The following RIMS2 variants were observed in gnomAD, a reference collection of about 807,000 sequenced individuals.
RIMS2 encodes regulating synaptic membrane exocytosis 2, also known as regulating synaptic membrane exocytosis protein 2.
Under a neutral mutation model 174.4 loss-of-function variants are expected in RIMS2, and 59 were observed. The observed-to-expected ratio is 0.34, with a 90% CI of 0.27 to 0.42. The LOEUF is 0.42. RIMS2 is among the 10% of genes least tolerant of loss of function. The pLI is 1.00. For synonymous variants in RIMS2, 606 were observed against 572.5 expected (o/e 1.06, Z -0.84); for missense variants, 1,620 against 1,666.3 (o/e 0.97, Z 0.48).
At chr8:103,996,920 A>G (rs567220850) in intron 17 of RIMS2, among the ~76,000 whole-genome samples, 10 of 152,036 alleles carry the variant, frequency 6.6e-5, no homozygotes, top group South Asian at 6.2e-4. Flanking sequence ...TTTAATAGCT[A>G]GAGAGGTTTC....
chr8:103,892,636 G>C (rs1176853578), intron 4 of RIMS2, among the ~76,000 whole-genome samples: 1 of 152,046 alleles, frequency 6.6e-6, no homozygotes, highest in East Asian at 1.9e-4. Context: ...TTTAATGTGA[G>C]TCTTAGGACT....
At chr8:103,565,780 T>C (rs2092278973) in intron 1 of RIMS2, among the ~76,000 whole-genome samples, 1 of 152,184 alleles carries the variant, frequency 6.6e-6, no homozygotes, top group East Asian at 1.9e-4. Flanking sequence ...CTCTGAACAC[T>C]GGTGAGACCT....
intron 3 of RIMS2, among the ~76,000 whole-genome samples, chr8:103,786,840 T>C (rs899565370): frequency 1.3e-5 from 2 of 152,100 alleles, no homozygotes; most frequent in African/African-American, 4.8e-5. Context: ...GACTTTCTGT[T>C]TCGTTGATCT....
Position 103,958,319 on chromosome 8 carries a change from CA to C in RIMS2, c.2702-2745del, listed in dbSNP as rs577549635. Reference sequence around the variant, plus strand: ...AATGCAGGAACAGAAGACCAAATACCACATGTTCTCACTTGAAAGTGGGAGC... The same window carrying C: ...AATGCAGGAACAGAAGACCAAATACCCATGTTCTCACTTGAAAGTGGGAGC... On this transcript the variant is annotated intron_variant, in intron 14 of 23. Coordinates refer to ENST00000504942, the Ensembl canonical transcript of RIMS2. 1.2e-3 allele frequency among the ~76,000 whole-genome samples: 189 copies of C among 152,162 alleles called. 7 individuals are homozygous for C. In the South Asian group the frequency reaches 0.038, roughly 31 times the overall value.
At chr8:104,046,466 A>G (rs775316603) in intron 19 of RIMS2, among the ~76,000 whole-genome samples, 7 of 152,114 alleles carry the variant, frequency 4.6e-5, no homozygotes, top group Non-Finnish European at 7.4e-5. Flanking sequence ...CATATATGAC[A>G]TATTTTGAAT....
In RIMS2 at chr8:103,940,893, G is replaced by A. The variant is rs974322038; in HGVS notation, c.2548-1880G>A. Among the ~76,000 whole-genome samples, 273 of 144,754 alleles carry A rather than the reference G, an allele frequency of 1.9e-3. 2 individuals carry two copies. The highest frequency in any genetic ancestry group is 1.3e-3 in the Non-Finnish European group (86 of 65,618). 95.0% of individuals were successfully genotyped at this position (144,754 alleles called of 152,430 possible). ...TCCATCTCAAAAAAAAAAAAAAAAA[G>A]CTAAAATCCCTTGTGTGACCTTTGG... On this transcript the variant is annotated intron_variant, in intron 13 of 23. Transcript: ENST00000504942.
rs138785276 is a variant in RIMS2, at chr8:104,012,301, C to T, written c.3045-1141C>T. 6.3e-4 allele frequency among the ~76,000 whole-genome samples: 95 copies of T among 150,812 alleles called. No individual in the cohort carries two copies. In the East Asian group the frequency reaches 0.016, roughly 25 times the overall value. Reference sequence around the variant, plus strand: ...TCACCTAATCTAATATCAAGTAGTACAAAATTGTTTGCCATATAATTCATG... The same window carrying T: ...TCACCTAATCTAATATCAAGTAGTATAAAATTGTTTGCCATATAATTCATG... On this transcript the variant is annotated intron_variant, in intron 17 of 23. Transcript: ENST00000504942.
chr8:103,501,134 C>G, intron 1 of RIMS2, 72 bp downstream of exon 1: 1 of 1,232,980 alleles, frequency 8.1e-7, no homozygotes, highest in South Asian at 2.0e-5. Flanking sequence ...CTGCGGCCGC[C>G]TGCGCGCCCC....
At chr8:103,516,522 C>A (rs1225538208) in intron 1 of RIMS2, among the ~76,000 whole-genome samples, 1 of 151,048 alleles carries the variant, frequency 6.6e-6, no homozygotes, top group African/African-American at 2.4e-5. Context: ...ACATTAAAAG[C>A]CAATAAGAAA....
chr8:103,555,952 C>G (rs967449543), intron 1 of RIMS2, among the ~76,000 whole-genome samples: 2 of 151,934 alleles, frequency 1.3e-5, no homozygotes, highest in Non-Finnish European at 2.9e-5. Flanking sequence ...AAGACGAATA[C>G]TGGACGATTT....
chr8:103,797,935 G>A (rs557748883), intron 3 of RIMS2, among the ~76,000 whole-genome samples: 2 of 152,096 alleles, frequency 1.3e-5, no homozygotes, highest in African/African-American at 4.8e-5. Context: ...AAGTATCCTG[G>A]GGTTGACAAT....
chr8:103,894,503 A>C (rs2099266087), intron 4 of RIMS2, among the ~76,000 whole-genome samples: 1 of 151,604 alleles, frequency 6.6e-6, no homozygotes, highest in Non-Finnish European at 1.5e-5. Flanking sequence ...ATGTATTAAA[A>C]GGGATAAATA....
At chr8:103,660,647 T>G (rs976304952) in intron 1 of RIMS2, among the ~76,000 whole-genome samples, 1 of 152,170 alleles carries the variant, frequency 6.6e-6, no homozygotes, top group African/African-American at 2.4e-5. Context: ...TGTGAAATGG[T>G]AAAGGCAGTT....
chr8:103,749,403 C>G (rs1034204593), intron 2 of RIMS2, among the ~76,000 whole-genome samples: 11 of 152,132 alleles, frequency 7.2e-5, no homozygotes, highest in Admixed American at 6.5e-5. Flanking sequence ...TGAGCCACGG[C>G]GCCTGGCCAC....
At chr8:103,853,397 C>A (rs1207394005) in intron 3 of RIMS2, among the ~76,000 whole-genome samples, 2 of 151,964 alleles carry the variant, frequency 1.3e-5, no homozygotes, top group Non-Finnish European at 2.9e-5. Context: ...AATTAGGTTC[C>A]ATTTGTCAAT....
At chr8:103,639,106 T>C (rs1425303694) in intron 1 of RIMS2, among the ~76,000 whole-genome samples, 4 of 151,980 alleles carry the variant, frequency 2.6e-5, no homozygotes, top group Non-Finnish European at 4.4e-5. Flanking sequence ...TTGTATAGTA[T>C]GGAAACAAAC....
chr8:103,932,111 G>T (rs954222405), intron 12 of RIMS2, among the ~76,000 whole-genome samples: 1 of 152,084 alleles, frequency 6.6e-6, no homozygotes, highest in African/African-American at 2.4e-5. Flanking sequence ...AAAGAAAGAA[G>T]AAATAATACC....
chr8:103,864,675 A>G (rs1318292648), intron 3 of RIMS2, among the ~76,000 whole-genome samples: 1 of 152,184 alleles, frequency 6.6e-6, no homozygotes, highest in East Asian at 1.9e-4. Flanking sequence ...TAAGCACTGG[A>G]CATATATTAT....
At chr8:103,614,664 A>G (rs1331669846) in intron 1 of RIMS2, among the ~76,000 whole-genome samples, 2 of 152,156 alleles carry the variant, frequency 1.3e-5, no homozygotes, top group African/African-American at 2.4e-5. Context: ...GAGTACAGCA[A>G]CCCTCCTTTC....
Sources: gnomAD v4.1 joint callset for allele counts (sites outside exome capture counted in the v4.1 genomes callset) on GRCh38, gnomAD v4.1.1 for gene constraint, MANE v1.5 for transcripts, NCBI Gene and HGNC (gene_info 2026-07-23, HGNC 2026-07-21) for gene names.